The following ESRRG variants were observed in gnomAD, a reference collection of about 807,000 sequenced individuals.
The protein encoded by ESRRG is estrogen related receptor gamma.
A neutral mutation model predicts 44.0 loss-of-function variants in ESRRG; 13 were observed. That is an observed-to-expected ratio of 0.30 (90% CI 0.19 to 0.47). The LOEUF (loss-of-function observed/expected upper bound fraction) is 0.47. ESRRG is among the 20% of genes least tolerant of loss of function. The pLI is 1.00. For missense variants in ESRRG, 395 were observed against 580.6 expected, an observed-to-expected ratio of 0.68 and a Z score of 3.29; for synonymous variants, 215 against 214.6, an observed-to-expected ratio of 1.00 and a Z score of -0.02.
chr1:216,628,761 C>G (rs2063607953), intron 3 of ESRRG, among the ~76,000 whole-genome samples: 1 of 151,994 alleles, frequency 6.6e-6, no homozygotes, highest in South Asian at 2.1e-4. Context: ...AAAGCAAAAC[C>G]TTCAAAACTT....
At chr1:216,665,249 A>G (rs1462206878) in intron 2 of ESRRG, among the ~76,000 whole-genome samples, 5 of 149,962 alleles carry the variant, frequency 3.3e-5, no homozygotes, top group Non-Finnish European at 7.4e-5. Flanking sequence ...GTATGTATAG[A>G]AAAAAAAAAT....
At chr1:216,907,508 A>G (rs2059817916) in intron 2 of ESRRG, among the ~76,000 whole-genome samples, 1 of 152,208 alleles carries the variant, frequency 6.6e-6, no homozygotes, top group Admixed American at 6.5e-5. Context: ...GCCTACTTCA[A>G]AATGAACAAG....
chr1:216,978,637 A>G (rs1374136333), intron 1 of ESRRG, among the ~76,000 whole-genome samples: 2 of 152,154 alleles, frequency 1.3e-5, no homozygotes, highest in Non-Finnish European at 2.9e-5. Flanking sequence ...CAGTACCCCA[A>G]TACTGTGTGC....
At chr1:216,755,035 TG>T (rs1412763152) in intron 2 of ESRRG, among the ~76,000 whole-genome samples, 2 of 151,982 alleles carry the variant, frequency 1.3e-5, no homozygotes, top group Non-Finnish European at 2.9e-5. Flanking sequence ...TTATATATTT[TG>T]GGTATTCCAT....
chr1:216,975,473 A>T lies in ESRRG; in HGVS notation c.-105-35800T>A, dbSNP rs956893403. On this transcript the variant is annotated intron_variant, in intron 1 of 7. Coordinates refer to the ESRRG transcript ENST00000359162. ...GGTAACAGGAGCCATAAATTCTTCTATCATGATGCAGTTGCCCTGCCAATT... is the reference window on the plus strand; with the variant it reads ...GGTAACAGGAGCCATAAATTCTTCTTTCATGATGCAGTTGCCCTGCCAATT... Among the ~76,000 whole-genome samples the T allele has an allele frequency of 1.1e-4, 16 of 152,340 alleles. No homozygotes were observed. In the South Asian group the frequency reaches 3.3e-3, roughly 32 times the overall value.
At chr1:216,671,462 G>A (rs2075163560) in intron 2 of ESRRG, among the ~76,000 whole-genome samples, 2 of 152,172 alleles carry the variant, frequency 1.3e-5, no homozygotes, top group Admixed American at 1.3e-4. Context: ...GGATAACTCT[G>A]TGCTAGATTA....
intron 1 of ESRRG, among the ~76,000 whole-genome samples, chr1:217,059,510 C>T (rs1298159695): frequency 6.6e-6 from 1 of 151,968 alleles, no homozygotes; most frequent in Non-Finnish European, 1.5e-5. Flanking sequence ...TATAGATATG[C>T]CTGAAGAGTC....
intron 2 of ESRRG, among the ~76,000 whole-genome samples, chr1:216,745,102 A>G (rs1178436447): frequency 2.0e-5 from 3 of 151,782 alleles, no homozygotes; most frequent in African/African-American, 7.3e-5. Context: ...TACTCCCTGG[A>G]TTTTGCTATA....
chr1:217,079,601 C>A (rs565514269), intron 1 of ESRRG, among the ~76,000 whole-genome samples: 21 of 152,308 alleles, frequency 1.4e-4, no homozygotes, highest in Non-Finnish European at 2.6e-4. Context: ...CACTTTCTAC[C>A]TACATGAGGT....
chr1:216,900,988 C>A (rs1230114145), intron 2 of ESRRG, among the ~76,000 whole-genome samples: 3 of 152,202 alleles, frequency 2.0e-5, no homozygotes, highest in Non-Finnish European at 2.9e-5. Context: ...TAGCTCCCAG[C>A]TGTCAAACCA....
intron 1 of ESRRG, among the ~76,000 whole-genome samples, chr1:217,083,741 A>C (rs1333263683): frequency 2.6e-5 from 4 of 152,202 alleles, no homozygotes; most frequent in Non-Finnish European, 5.9e-5. Context: ...GTTCATACTA[A>C]ATAGAAAATG....
intron 2 of ESRRG, among the ~76,000 whole-genome samples, chr1:216,783,159 G>A (rs190729606): frequency 6.8e-4 from 104 of 152,080 alleles, no homozygotes; most frequent in Non-Finnish European, 9.6e-4. Flanking sequence ...CTTTTCAGGT[G>A]AGAACTTAGA....
At chr1:217,136,265 T>G (rs1358140293) in intron 1 of ESRRG, among the ~76,000 whole-genome samples, 1 of 151,892 alleles carries the variant, frequency 6.6e-6, no homozygotes, top group African/African-American at 2.4e-5. Context: ...ACGCCAGGAG[T>G]TGGCGTTTTC....
At chr1:217,128,790 C>T (rs1211485184) in intron 1 of ESRRG, among the ~76,000 whole-genome samples, 1 of 152,128 alleles carries the variant, frequency 6.6e-6, no homozygotes, top group Non-Finnish European at 1.5e-5. Flanking sequence ...AAAGAAGTGT[C>T]TTCTCTTTAC....
In ESRRG at chr1:216,584,260, A is replaced by ATT. The variant is rs34841184; in HGVS notation, c.590-16164_590-16163dup. 8.7e-4 allele frequency among the ~76,000 whole-genome samples: 125 copies of ATT among 144,174 alleles called. 2 individuals are homozygous for ATT. The highest frequency in any genetic ancestry group is 1.9e-3 in the African/African-American group (73 of 39,240). 94.6% of individuals were successfully genotyped at this position (144,174 alleles called of 152,430 possible). A position where few individuals can be genotyped will look rare whatever the true frequency, so the allele number is the denominator to read the frequency against. On this transcript the variant is annotated intron_variant, in intron 3 of 6. Transcript: ENST00000408911. ...ATTCTATTTTTTTAAAAAACTTACA[A>ATT]TTTTTTTTTTTTTTGAGACGGAGTC...
intron 1 of ESRRG, among the ~76,000 whole-genome samples, chr1:217,133,631 T>TTCTTTCTTTCTTTCTTTCTCTC (rs1491192210): frequency 5.1e-5 from 3 of 58,450 alleles, no homozygotes; most frequent in Non-Finnish European, 8.7e-5. Flanking sequence ...CTTTCTTTCT[T>TTCTTTCTTTCTTTCTTTCTCTC]TCTCTCTCTC....
intron 2 of ESRRG, among the ~76,000 whole-genome samples, chr1:216,894,904 T>C (rs747685667): frequency 1.3e-5 from 2 of 152,190 alleles, no homozygotes; most frequent in Non-Finnish European, 2.9e-5. Context: ...CCATCCACGT[T>C]AATTTTTTTT....
At chr1:216,868,446 A>G (rs775799830) in intron 2 of ESRRG, among the ~76,000 whole-genome samples, 4 of 152,252 alleles carry the variant, frequency 2.6e-5, no homozygotes, top group Non-Finnish European at 4.4e-5. Flanking sequence ...GATGCACCAC[A>G]GTTTATCTAT....
intron 1 of ESRRG, among the ~76,000 whole-genome samples, chr1:217,070,494 G>C (rs2090415173): frequency 6.6e-6 from 1 of 151,774 alleles, no homozygotes; most frequent in African/African-American, 2.4e-5. Context: ...CGATTCTCCT[G>C]CCTCAGCCTC....
Sources: allele counts gnomAD v4.1 joint callset (sites outside exome capture counted in the v4.1 genomes callset), GRCh38; gene constraint gnomAD v4.1.1; transcripts MANE v1.5; gene names NCBI Gene and HGNC (gene_info 2026-07-23, HGNC 2026-07-21).